The following SEMA3B variants were observed in gnomAD, a reference collection of about 807,000 sequenced individuals.
The protein encoded by SEMA3B is semaphorin 3B, also known as semaphorin-3B.
SEMA3B carries 71 observed loss-of-function variants against 77.8 expected under a neutral mutation model. The ratio of observed to expected loss-of-function variants is 0.91; its 90% confidence interval spans 0.75 to 1.11. The LOEUF is 1.11. Among genes scored for constraint, SEMA3B ranks in the 50% most tolerant of loss-of-function variants. The probability of loss-of-function intolerance (pLI) is 0.00; values close to 1 mark genes in which losing one functional copy is unlikely to be tolerated. For synonymous variants in SEMA3B, 470 were observed against 452.9 expected, an observed-to-expected ratio of 1.04 and a Z score of -0.48; for missense variants, 968 against 1,056.8, an observed-to-expected ratio of 0.92 and a Z score of 1.17.
Position 50,273,001 on chromosome 3 carries a change from C to A in SEMA3B, c.665-297C>A. On this transcript the variant is annotated intron_variant, in intron 6 of 16. Coordinates refer to ENST00000616701, the MANE Select transcript of SEMA3B (RefSeq NM_001290060.2). The surrounding 1 kb of genome is among the most constrained non-coding windows in gnomAD (Gnocchi z 6.5). The stretch of plus-strand genomic sequence containing the variant: ...TTACCTCATCTCCCTCCTACCCCAG[C>A]CTAAGGTGCTGGGCGACGTGTGGGG... The A allele has an allele frequency of 2.5e-6, 1 of 397,870 alleles. No individual in the cohort carries two copies. The highest frequency in any genetic ancestry group is 4.6e-6 in the Non-Finnish European group (1 of 218,086). The allele number at this position is 397,870 out of a possible 1,614,324, so 24.6% of individuals were successfully genotyped here.
At position 50,274,412 on chromosome 3, in the gene SEMA3B, A is replaced by C. The variant is rs782730338; in HGVS notation, c.1187A>C (p.Asp396Ala). 6.0e-6 allele frequency: 9 copies of C among 1,508,236 alleles called. No individual in the cohort carries two copies. The East Asian group carries it at 2.1e-4, about 36-fold the overall frequency. The allele number at this position is 1,508,236 out of a possible 1,614,324, so 93.4% of individuals were successfully genotyped here. ...GTFSSTKDFPDDVIQFARNHP... is the reference protein window; with the variant it reads ...GTFSSTKDFPADVIQFARNHP... ...TTCAGTTCCACCAAGGACTTCCCAG[A>C]CGATGTCATCCAGTTTGCGCGGAAC... The change falls in exon 11 of 17, where the codon GAC becomes GCC. Residue 396 changes from aspartate (D) to alanine (A), a missense_variant. Physicochemically the swap from Asp to Ala is moderately radical, Grantham distance 126. Transcript: ENST00000616701. This position sits in a 1 kb window ranked among gnomAD's most constrained non-coding sequence, Gnocchi z 4.7.
chr3:50,273,904 C>T lies in SEMA3B; in HGVS notation c.993-9C>T, dbSNP rs369573395. ...CGGCCCCTCACCTCGCCCTGGTCTT[C>T]GCCTCCAGCAGCATCTTCCAGGGCT... On this transcript the variant is annotated splice_polypyrimidine_tract_variant and intron_variant, in intron 9 of 16. Transcript: ENST00000616701. The surrounding 1 kb of genome is among the most constrained non-coding windows in gnomAD (Gnocchi z 6.5). The T allele has an allele frequency of 8.8e-6, 14 of 1,594,276 alleles. No homozygotes were observed. In the African/African-American group the frequency reaches 1.3e-4, roughly 15 times the overall value.
At chr3:50,272,635 T>C (rs1209303634) in intron 6 of SEMA3B, among the ~76,000 whole-genome samples, 1 of 151,164 alleles carries the variant, frequency 6.6e-6, no homozygotes, top group African/African-American at 2.4e-5. Context: ...CGCTTGAACC[T>C]AGGAGGCGGA....
chr3:50,265,485 G>A (rs143885784), upstream of SEMA3B, among the ~76,000 whole-genome samples: 1,665 of 152,320 alleles, frequency 0.011, 24 homozygotes, highest in South Asian at 0.042. Context: ...GGAGGCAGGT[G>A]CTGAGATTTG....
rs1553706284 is a variant in SEMA3B at position 50,275,236 on chromosome 3, C to T, written c.1492-66C>T. 1 of 1,471,900 alleles carries T rather than the reference C, an allele frequency of 6.8e-7. No individual in the cohort carries two copies. Among genetic ancestry groups the T allele is most frequent in the South Asian group, 1.4e-5 (1 of 73,808 alleles). 91.2% of individuals were successfully genotyped at this position (1,471,900 alleles called of 1,614,324 possible). ...CCATCTGTCGAGTGGAAGAAGGGAT[C>T]CCTGACCGATGGGAGGCAGGCGTGG... On this transcript the variant is annotated intron_variant, in intron 13 of 16. Transcript: ENST00000616701. The surrounding 1 kb of genome is among the most constrained non-coding windows in gnomAD (Gnocchi z 7.5).
In SEMA3B at chr3:50,274,091, T is replaced by A; in HGVS notation, c.1137+34T>A. ...CCCAGGGACTTCTGCTACAACCCAC[T>A]TCAAAGCCTCAAGGGTTTGAGAACT... is the stretch of plus-strand genomic sequence containing the variant. On this transcript the variant is annotated intron_variant, in intron 10 of 16. Coordinates refer to ENST00000616701, the MANE Select transcript of SEMA3B (RefSeq NM_001290060.2). The surrounding 1 kb of genome is among the most constrained non-coding windows in gnomAD (Gnocchi z 4.7). The A allele has an allele frequency of 6.2e-7, 1 of 1,604,886 alleles. No homozygotes were observed. The highest frequency in any genetic ancestry group is 8.5e-7 in the Non-Finnish European group (1 of 1,177,296).
At position 50,270,527 on chromosome 3, in the gene SEMA3B, G is replaced by GA; in HGVS notation, c.330+33dup. 6.2e-7 allele frequency: 1 copy of GA among 1,613,016 alleles called. No individual in the cohort carries two copies. Among genetic ancestry groups the GA allele is most frequent in the African/African-American group, 1.3e-5 (1 of 75,062 alleles). The stretch of plus-strand genomic sequence containing the variant: ...GCCAGCTGCCCGGGCCGGGAGTGGG[G>GA]AGGGTCAGCCCCTCACCCCAGAGAC... On this transcript the variant is annotated intron_variant, in intron 3 of 16. Coordinates refer to ENST00000616701, the MANE Select transcript of SEMA3B (RefSeq NM_001290060.2). This position sits in a 1 kb window ranked among gnomAD's most constrained non-coding sequence, Gnocchi z 4.7.
chr3:50,275,418 G>A lies in SEMA3B; in HGVS notation c.1608G>A (p.Trp536Ter), dbSNP rs782800486. 1.9e-5 allele frequency: 31 copies of A among 1,602,200 alleles called. No homozygotes were observed. Among genetic ancestry groups the A allele is most frequent in the African/African-American group, 2.7e-5 (2 of 74,706 alleles). The change falls in exon 14 of 17, where the codon TGG (tryptophan) becomes TGA (stop). Residue 536 changes from tryptophan to a stop codon, truncating the protein, a stop_gained. Coordinates refer to ENST00000616701, the MANE Select transcript of SEMA3B (RefSeq NM_001290060.2). LOFTEE classifies it high-confidence loss of function. The surrounding 1 kb of genome is among the most constrained non-coding windows in gnomAD (Gnocchi z 7.5). ...CCLARDPYCA[W>*]DGVACTRFQP... ...TGGCGCGTGACCCCTACTGCGCCTG[G>A]GACGGGGTCGCGTGCACGCGCTTCC...
chr3:50,277,121 A>G lies in SEMA3B; in HGVS notation c.*415A>G, dbSNP rs1262076570. The stretch of plus-strand genomic sequence containing the variant: ...CAGGCCGACTGTACTAAAGTAACGC[A>G]ATAAACGCATTATCAGCCAAAGCTG... On this transcript the variant is annotated 3_prime_UTR_variant, in exon 17 of 17. Transcript: ENST00000616701. 1.1e-5 allele frequency: 2 copies of G among 189,052 alleles called. No homozygotes were observed. Among genetic ancestry groups the G allele is most frequent in the Non-Finnish European group, 2.2e-5 (2 of 92,766 alleles). 11.7% of individuals were successfully genotyped at this position (189,052 alleles called of 1,614,324 possible).
In SEMA3B at chr3:50,270,072, C is replaced by G; in HGVS notation, c.110-55C>G. Reference sequence around the variant, plus strand: ...CGATAGAGTCACCACCAGGCAGGACCTGGGGGAGGCTTCCAGCATGGCTGG... The same window carrying G: ...CGATAGAGTCACCACCAGGCAGGACGTGGGGGAGGCTTCCAGCATGGCTGG... On this transcript the variant is annotated intron_variant, in intron 1 of 16. Transcript: ENST00000616701. This position sits in a 1 kb window ranked among gnomAD's most constrained non-coding sequence, Gnocchi z 4.7. The G allele has an allele frequency of 6.7e-7, 1 of 1,481,574 alleles. No homozygotes were observed. Among genetic ancestry groups the G allele is most frequent in the Non-Finnish European group, 9.0e-7 (1 of 1,113,694 alleles). 91.8% of individuals were successfully genotyped at this position (1,481,574 alleles called of 1,614,324 possible).
chr3:50,271,902 A>G (rs1017649126), intron 6 of SEMA3B, among the ~76,000 whole-genome samples: 1 of 152,220 alleles, frequency 6.6e-6, no homozygotes, highest in Admixed American at 6.5e-5. Context: ...GCCTGGATGC[A>G]AGAACAAGCA....
In SEMA3B at chr3:50,275,697, G is replaced by A; in HGVS notation, c.1706-8G>A. The A allele has an allele frequency of 6.2e-7, 1 of 1,611,668 alleles. No homozygotes were observed. Among genetic ancestry groups the A allele is most frequent in the South Asian group, 1.1e-5 (1 of 90,978 alleles). On this transcript the variant is annotated splice_region_variant and splice_polypyrimidine_tract_variant and intron_variant, in intron 15 of 16. Transcript: ENST00000616701. This position sits in a 1 kb window ranked among gnomAD's most constrained non-coding sequence, Gnocchi z 7.5. Reference sequence around the variant, plus strand: ...CTTGCCTAAATCTGACTTTCTTCTCGCCCCAAGACTCGTCTCGTCCCGCGC... The same window carrying A: ...CTTGCCTAAATCTGACTTTCTTCTCACCCCAAGACTCGTCTCGTCCCGCGC...
At position 50,274,376 on chromosome 3, in the gene SEMA3B, C is replaced by T; in HGVS notation, c.1151C>T (p.Thr384Ile). The T allele has an allele frequency of 6.7e-7, 1 of 1,497,538 alleles. No individual in the cohort carries two copies. The highest frequency in any genetic ancestry group is 8.9e-7 in the Non-Finnish European group (1 of 1,124,884). 92.8% of individuals were successfully genotyped at this position (1,497,538 alleles called of 1,614,324 possible). Reference sequence around the variant, plus strand: ...CCCCACCCCCAGTGCCCCAGCAAGACCTTTGGCACCTTCAGTTCCACCAAG... The same window carrying T: ...CCCCACCCCCAGTGCCCCAGCAAGATCTTTGGCACCTTCAGTTCCACCAAG... ...YPRPGMCPSKTFGTFSSTKDF... is the reference protein window; with the variant it reads ...YPRPGMCPSKIFGTFSSTKDF... The change falls in exon 11 of 17, where the codon ACC becomes ATC. Residue 384 changes from threonine to isoleucine, a missense_variant. Transcript: ENST00000616701. The surrounding 1 kb of genome is among the most constrained non-coding windows in gnomAD (Gnocchi z 4.7).
Position 50,274,716 on chromosome 3 carries a change from C to T in SEMA3B, c.1358-127C>T, listed in dbSNP as rs987803192. Reference sequence around the variant, plus strand: ...CTCCACCCTGTGGATGCTGCCCAACCCACACTCTTCCAGTCCACACTCTTC... The same window carrying T: ...CTCCACCCTGTGGATGCTGCCCAACTCACACTCTTCCAGTCCACACTCTTC... On this transcript the variant is annotated intron_variant, in intron 11 of 16. Coordinates refer to ENST00000616701, the MANE Select transcript of SEMA3B (RefSeq NM_001290060.2). This position sits in a 1 kb window ranked among gnomAD's most constrained non-coding sequence, Gnocchi z 4.7. 1.3e-5 allele frequency: 18 copies of T among 1,384,054 alleles called. No homozygotes were observed. The highest frequency in any genetic ancestry group is 1.8e-5 in the Non-Finnish European group (18 of 1,004,924). 85.7% of individuals were successfully genotyped at this position (1,384,054 alleles called of 1,614,324 possible).
chr3:50,268,946 G>A, upstream of SEMA3B: 1 of 494,172 alleles, frequency 2.0e-6, no homozygotes, highest in Non-Finnish European at 3.6e-6. Context: ...AGGGTGACGT[G>A]GTGAGGCGGG....
At position 50,270,518 on chromosome 3, in the gene SEMA3B, G is replaced by A. The variant is rs201170459; in HGVS notation, c.330+23G>A. On this transcript the variant is annotated intron_variant, in intron 3 of 16. Coordinates refer to ENST00000616701, the MANE Select transcript of SEMA3B (RefSeq NM_001290060.2). The surrounding 1 kb of genome is among the most constrained non-coding windows in gnomAD (Gnocchi z 4.7). ...GGTGTGAGTGCCAGCTGCCCGGGCCGGGAGTGGGGAGGGTCAGCCCCTCAC... is the reference window on the plus strand; with the variant it reads ...GGTGTGAGTGCCAGCTGCCCGGGCCAGGAGTGGGGAGGGTCAGCCCCTCAC... 207 of 1,613,092 alleles carry A rather than the reference G, an allele frequency of 1.3e-4. No homozygotes were observed. The highest frequency in any genetic ancestry group is 1.7e-4 in the Non-Finnish European group (195 of 1,179,828).
At chr3:50,272,077 T>C (rs1553705469) in intron 6 of SEMA3B, among the ~76,000 whole-genome samples, 3 of 149,652 alleles carry the variant, frequency 2.0e-5, no homozygotes, top group Non-Finnish European at 4.5e-5. Flanking sequence ...AGGAGTTTCA[T>C]ACCAGCCTGG....
rs587618842 is a variant in SEMA3B, at chr3:50,269,329, G to A, written c.89G>A (p.Arg30His). The A allele has an allele frequency of 1.5e-5, 22 of 1,511,502 alleles. No homozygotes were observed. The highest frequency in any genetic ancestry group is 7.4e-5 in the East Asian group (3 of 40,602). The allele number at this position is 1,511,502 out of a possible 1,614,324, so 93.6% of individuals were successfully genotyped here. A position where few individuals can be genotyped will look rare whatever the true frequency, so the allele number is the denominator to read the frequency against. The stretch of plus-strand genomic sequence containing the variant: ...GGGAGTGCCGCCCCCAGCCCCCCAC[G>A]CCTTCGGCTCTCCTTCCAAGGTAGG... ...GLGSAAPSPP[R>H]LRLSFQELQA... Residue 30 changes from arginine to histidine, a missense_variant, in exon 1 of 17, where the codon CGC becomes CAC. Arg to His is a conservative substitution (Grantham distance 29). Coordinates refer to ENST00000616701, the MANE Select transcript of SEMA3B (RefSeq NM_001290060.2). The surrounding 1 kb of genome is among the most constrained non-coding windows in gnomAD (Gnocchi z 4.0).
chr3:50,264,505 A>G (rs111688274), upstream of SEMA3B, among the ~76,000 whole-genome samples: 4,166 of 152,266 alleles, frequency 0.027, 181 homozygotes, highest in African/African-American at 0.095. Flanking sequence ...GCTAAGCGGC[A>G]GGGTAGGGAT....
Sources: gnomAD v4.1 joint callset for allele counts (sites outside exome capture counted in the v4.1 genomes callset) on GRCh38, gnomAD v4.1.1 for gene constraint, Gnocchi (gnomAD v3.1) non-coding constraint, MANE v1.5 for transcripts, NCBI Gene and HGNC (gene_info 2026-07-23, HGNC 2026-07-21) for gene names.